UBE2J1: variants seen among roughly 807,000 people sequenced by gnomAD.
UBE2J1 encodes the protein ubiquitin-conjugating enzyme E2 J1.
In UBE2J1, 17 loss-of-function variants were observed where a neutral mutation model predicts 42.1. The ratio of observed to expected loss-of-function variants is 0.40; its 90% CI spans 0.28 to 0.61. The LOEUF is 0.61. Ranked by LOEUF, UBE2J1 falls within the 20% of genes least tolerant of loss-of-function variation. The probability of loss-of-function intolerance (pLI) is 0.38; values close to 1 mark genes in which losing one functional copy is unlikely to be tolerated. For missense variants in UBE2J1, 291 were observed against 389.4 expected, an observed-to-expected ratio of 0.75 and a Z score of 2.13; for synonymous variants, 127 against 137.2, an observed-to-expected ratio of 0.93 and a Z score of 0.52.
chr6:89,342,692 T>A (rs191496553), intron 2 of UBE2J1, among the ~76,000 whole-genome samples: 239 of 152,330 alleles, frequency 1.6e-3, no homozygotes, highest in Non-Finnish European at 1.8e-3. Flanking sequence ...ATAAACACAT[T>A]AAAAATTTCT....
At chr6:89,351,268 G>C (rs1337281447) in intron 1 of UBE2J1, among the ~76,000 whole-genome samples, 1 of 151,538 alleles carries the variant, frequency 6.6e-6, no homozygotes, top group African/African-American at 2.4e-5. Flanking sequence ...TTTTAGTAGA[G>C]ACGGGGTTTC....
chr6:89,343,748 G>A lies in UBE2J1; in HGVS notation c.40C>T (p.Arg14Cys), dbSNP rs771791752. ...RYNLKSPAVKRLMKEAAELKD... is the reference protein window; with the variant it reads ...RYNLKSPAVKCLMKEAAELKD... ...AATTCTGCCGCTTCTTTCATTAAAC[G>A]TTTAACAGCTAAAATAAAATTCATA... Residue 14 changes from arginine (R) to cysteine (C), a missense_variant, in exon 2 of 8, where the codon CGT becomes TGT. Transcript: ENST00000435041. 1 of 1,604,722 alleles carries A rather than the reference G, an allele frequency of 6.2e-7. No individual in the cohort carries two copies.
chr6:89,339,919 C>T (rs567095599), intron 3 of UBE2J1, among the ~76,000 whole-genome samples: 16 of 151,568 alleles, frequency 1.1e-4, no homozygotes, highest in East Asian at 3.9e-4. Flanking sequence ...AGGAGGCTGA[C>T]GTGGGAGGAT....
chr6:89,343,553 G>C (rs1768300044), intron 2 of UBE2J1, 130 bp downstream of exon 2: 1 of 461,998 alleles, frequency 2.2e-6, no homozygotes. Flanking sequence ...AAATATTCAT[G>C]AAATATGGTG....
intron 1 of UBE2J1, among the ~76,000 whole-genome samples, chr6:89,345,516 C>T (rs1054697086): frequency 6.6e-6 from 1 of 152,104 alleles, no homozygotes; most frequent in Non-Finnish European, 1.5e-5. Context: ...GCAGGAGAAT[C>T]GCTTGCACCC....
At chr6:89,336,373 C>T (rs1768106385) in intron 5 of UBE2J1, among the ~76,000 whole-genome samples, 1 of 152,116 alleles carries the variant, frequency 6.6e-6, no homozygotes, top group African/African-American at 2.4e-5. Context: ...TTGCTGCAGC[C>T]TCAACCTCCC....
At chr6:89,343,434 C>CAAAAA (rs58981898) in intron 2 of UBE2J1, among the ~76,000 whole-genome samples, 3 of 81,042 alleles carry the variant, frequency 3.7e-5, no homozygotes, top group Admixed American at 1.3e-4. Context: ...GACTCCGCCT[C>CAAAAA]AAAAAAAAAA....
chr6:89,340,791 T>C (rs1186899645), intron 3 of UBE2J1, among the ~76,000 whole-genome samples: 9 of 150,990 alleles, frequency 6.0e-5, no homozygotes, highest in Non-Finnish European at 4.4e-5. Flanking sequence ...TTTTTTGAGA[T>C]GGAGTCTCGC....
At chr6:89,351,178 A>G (rs1768470993) in intron 1 of UBE2J1, among the ~76,000 whole-genome samples, 1 of 138,686 alleles carries the variant, frequency 7.2e-6, no homozygotes, top group Non-Finnish European at 1.5e-5. Flanking sequence ...TCCCCGGGTC[A>G]AGCCATCCTC....
chr6:89,342,453 A>G lies in UBE2J1; in HGVS notation c.108T>C (p.Asp36=). Residue 36 remains aspartate, a splice_region_variant and synonymous_variant, in exon 3 of 8, where the codon GAT becomes GAC. Coordinates refer to ENST00000435041, the MANE Select transcript of UBE2J1 (RefSeq NM_016021.3). The stretch of plus-strand genomic sequence containing the variant: ...CCGTGAAGTGCCATTCAAAAAGGTT[A>G]TCCTGAACAAAAACAATAATCCACA... The part of the protein sequence containing the change: ...TDHYHAQPLE[D]NLFEWHFTVR... 6.3e-7 allele frequency: 1 copy of G among 1,595,590 alleles called. No homozygotes were observed. Among genetic ancestry groups the G allele is most frequent in the South Asian group, 1.1e-5 (1 of 87,478 alleles).
In UBE2J1 at chr6:89,329,619, A is replaced by G; in HGVS notation, c.*60T>C. On this transcript the variant is annotated 3_prime_UTR_variant, in exon 8 of 8. Coordinates refer to ENST00000435041, the MANE Select transcript of UBE2J1 (RefSeq NM_016021.3). Reference sequence around the variant, plus strand: ...TTTTTGTAAACAATTCTTAGATTATACCCAATGCAGAATGTTTAATGAAGC... The same window carrying G: ...TTTTTGTAAACAATTCTTAGATTATGCCCAATGCAGAATGTTTAATGAAGC... The G allele has an allele frequency of 6.5e-7, 1 of 1,537,406 alleles. No homozygotes were observed. Among genetic ancestry groups the G allele is most frequent in the South Asian group, 1.1e-5 (1 of 88,352 alleles).
intron 7 of UBE2J1, among the ~76,000 whole-genome samples, chr6:89,331,905 T>C (rs956488986): frequency 1.1e-4 from 16 of 152,210 alleles, no homozygotes; most frequent in African/African-American, 3.4e-4. Flanking sequence ...ACCTTAAAAT[T>C]AATTCATTGT....
At chr6:89,344,191 C>T (rs574646484) in intron 1 of UBE2J1, among the ~76,000 whole-genome samples, 91 of 152,226 alleles carry the variant, frequency 6.0e-4, no homozygotes, top group African/African-American at 2.0e-3. Flanking sequence ...GATTCCAACA[C>T]AGGCAATTTG....
chr6:89,349,095 G>C (rs1248132398), intron 1 of UBE2J1, among the ~76,000 whole-genome samples: 1 of 152,096 alleles, frequency 6.6e-6, no homozygotes, highest in Non-Finnish European at 1.5e-5. Context: ...AAATTAGCTG[G>C]GTGTGGTGGC....
rs1025339919 is a variant in UBE2J1, at chr6:89,329,840, A to G, written c.796T>C (p.Ser266Pro). The change falls in exon 8 of 8, where the codon TCT becomes CCT. Residue 266 changes from serine (S) to proline (P), a missense_variant. Transcript: ENST00000435041. ...CCCTGGATTACATCTGGTGAAGTAG[A>G]CAACCTTCTCTGACTCTGCTGCTGG... ...RAQQQSQRRL[S>P]TSPDVIQGHQ... is the part of the protein sequence containing the mutation. The G allele has an allele frequency of 1.9e-6, 3 of 1,613,994 alleles. No homozygotes were observed. Among genetic ancestry groups the G allele is most frequent in the African/African-American group, 2.7e-5 (2 of 74,906 alleles).
At chr6:89,340,013 C>G (rs1318945797) in intron 3 of UBE2J1, among the ~76,000 whole-genome samples, 1 of 137,578 alleles carries the variant, frequency 7.3e-6, no homozygotes, top group Admixed American at 7.3e-5. Flanking sequence ...GAGACCCTAT[C>G]TCAAGTTAAA....
intron 1 of UBE2J1, among the ~76,000 whole-genome samples, chr6:89,344,830 G>A (rs970642596): frequency 4.6e-5 from 7 of 152,196 alleles, no homozygotes; most frequent in Non-Finnish European, 1.0e-4. Context: ...AGCAGGAGCT[G>A]CTCAGATGCC....
intron 1 of UBE2J1, among the ~76,000 whole-genome samples, chr6:89,346,076 A>G (rs1768359129): frequency 6.6e-6 from 1 of 152,012 alleles, no homozygotes; most frequent in South Asian, 2.1e-4. Context: ...TTTTTTGTAG[A>G]GCTGGGGTCC....
In UBE2J1 at chr6:89,331,230, T is replaced by C. The variant is rs761656259; in HGVS notation, c.679-1273A>G. Among the ~76,000 whole-genome samples, 12 of 152,336 alleles carry C rather than the reference T, an allele frequency of 7.9e-5. No individual in the cohort carries two copies. The East Asian group carries it at 1.3e-3, about 17-fold the overall frequency. ...CCAAACCAGGTTTCAGTTACTTTCA[T>C]AGTGGTCAAATTATATAATCATACT... On this transcript the variant is annotated intron_variant, in intron 7 of 7. Coordinates refer to ENST00000435041, the MANE Select transcript of UBE2J1 (RefSeq NM_016021.3).
Sources: gnomAD v4.1 joint callset for allele counts (sites outside exome capture counted in the v4.1 genomes callset) on GRCh38, gnomAD v4.1.1 for gene constraint, MANE v1.5 for transcripts, NCBI Gene and HGNC (gene_info 2026-07-23, HGNC 2026-07-21) for gene names.